Variants in GPR39 observed in about 807,000 individuals in gnomAD.
GPR39 encodes the protein G protein-coupled receptor 39.
Under a neutral mutation model 18.4 loss-of-function variants are expected in GPR39, and 23 were observed. The observed-to-expected ratio is 1.25, with a 90% CI of 0.90 to 1.77. The LOEUF (loss-of-function observed/expected upper bound fraction) is 1.77. Ranked by LOEUF, GPR39 falls within the 40% of genes most tolerant of loss-of-function variation. The pLI is 0.00. For synonymous variants in GPR39, 280 were observed against 257.9 expected (o/e 1.09, Z -0.82); for missense variants, 647 against 602.4 (o/e 1.07, Z -0.78).
At chr2:132,455,014 T>A (rs138998525) in intron 1 of GPR39, among the ~76,000 whole-genome samples, 1,971 of 152,266 alleles carry the variant, frequency 0.013, 43 homozygotes, top group African/African-American at 0.045. Context: ...TTAGGGAGGA[T>A]TCTCTCTTTT....
At chr2:132,644,857 T>TGTCTA (rs1681966833) in intron 1 of GPR39, 1 of 508,702 alleles carries the variant, frequency 2.0e-6, no homozygotes, top group Non-Finnish European at 3.4e-6. Context: ...ATAAATACAC[T>TGTCTA]GTCTAAAGCA....
intron 1 of GPR39, among the ~76,000 whole-genome samples, chr2:132,484,987 G>A (rs907636963): frequency 6.6e-6 from 1 of 152,128 alleles, no homozygotes; most frequent in African/African-American, 2.4e-5. Context: ...ATATTTTGGG[G>A]GCAAAATTGT....
chr2:132,604,943 A>T (rs143444895), intron 1 of GPR39: 16 of 152,358 alleles, frequency 1.1e-4, no homozygotes, highest in African/African-American at 3.4e-4. Flanking sequence ...ATAACAATGA[A>T]CACTTACTGA....
chr2:132,637,371 G>A (rs1162306673), intron 1 of GPR39, among the ~76,000 whole-genome samples: 1 of 152,200 alleles, frequency 6.6e-6, no homozygotes, highest in Non-Finnish European at 1.5e-5. Flanking sequence ...CATTTCAGAG[G>A]CCTCTGGCCT....
intron 1 of GPR39, among the ~76,000 whole-genome samples, chr2:132,441,982 GT>G (rs924975163): frequency 1.3e-5 from 2 of 152,102 alleles, no homozygotes; most frequent in East Asian, 3.9e-4. Flanking sequence ...TGAAAATGCA[GT>G]TTTTTTTCTT....
In GPR39 at chr2:132,595,531, C is replaced by T. The variant is rs572693041; in HGVS notation, c.857-49570C>T. ...GAAGACCTGGGGGAACAGATCAGCA[C>T]CCCCACATCCCCACCACTGGAGACG... On this transcript the variant is annotated intron_variant, in intron 1 of 1. Coordinates refer to ENST00000329321, the MANE Select transcript of GPR39 (RefSeq NM_001508.3). Among the ~76,000 whole-genome samples the T allele has an allele frequency of 9.2e-5, 14 of 152,184 alleles. No individual in the cohort carries two copies. The South Asian group carries it at 2.9e-3, about 32-fold the overall frequency.
intron 1 of GPR39, among the ~76,000 whole-genome samples, chr2:132,426,358 TAGTC>T (rs1680117686): frequency 2.0e-5 from 3 of 152,376 alleles, no homozygotes; most frequent in Non-Finnish European, 4.4e-5. Context: ...GATGCCTTGA[TAGTC>T]AGAAAGGAAA....
At chr2:132,531,605 C>A (rs1413865150) in intron 1 of GPR39, among the ~76,000 whole-genome samples, 5 of 152,208 alleles carry the variant, frequency 3.3e-5, no homozygotes, top group African/African-American at 7.2e-5. Flanking sequence ...GGAAGTAAAG[C>A]TCTCCTCAGC....
chr2:132,422,753 C>T (rs1680038485), intron 1 of GPR39, among the ~76,000 whole-genome samples: 2 of 151,980 alleles, frequency 1.3e-5, no homozygotes, highest in South Asian at 4.2e-4. Flanking sequence ...CTGTGATCAG[C>T]CTGGCAGACA....
intron 1 of GPR39, among the ~76,000 whole-genome samples, chr2:132,537,382 G>A (rs771413394): frequency 1.1e-4 from 16 of 152,060 alleles, no homozygotes; most frequent in Non-Finnish European, 1.0e-4. Flanking sequence ...CTTTAAGAAC[G>A]TTGAATATTG....
At chr2:132,644,887 C>T in intron 1 of GPR39, 2 of 582,940 alleles carry the variant, frequency 3.4e-6, no homozygotes, top group Non-Finnish European at 6.0e-6. Context: ...CTTTCTTTAA[C>T]ACAGCCAACT....
At chr2:132,507,395 G>A (rs1158656379) in intron 1 of GPR39, among the ~76,000 whole-genome samples, 4 of 152,184 alleles carry the variant, frequency 2.6e-5, no homozygotes, top group African/African-American at 9.7e-5. Flanking sequence ...GGTTTCATTA[G>A]TGATGGGTAA....
rs1681446619 is a variant in GPR39 at position 132,490,956 on chromosome 2, C to A, written c.856+73058C>A. ...CTGTGGAGGGCAAAGGCCACAAATA[C>A]CAGGCCCGCGAGCTGAATTCATAAC... is the stretch of plus-strand genomic sequence containing the variant. On this transcript the variant is annotated intron_variant, in intron 1 of 1. Coordinates refer to ENST00000329321, the MANE Select transcript of GPR39 (RefSeq NM_001508.3). Among the ~76,000 whole-genome samples, 4 of 152,276 alleles carry A rather than the reference C, an allele frequency of 2.6e-5. 1 individual carries two copies. In the South Asian group the frequency reaches 8.3e-4, roughly 32 times the overall value.
chr2:132,483,946 C>T (rs1681283163), intron 1 of GPR39, among the ~76,000 whole-genome samples: 1 of 152,178 alleles, frequency 6.6e-6, no homozygotes, highest in Non-Finnish European at 1.5e-5. Flanking sequence ...AGCTTTTCTT[C>T]TGTTAGTTGG....
At chr2:132,631,984 A>C (rs1461307044) in intron 1 of GPR39, among the ~76,000 whole-genome samples, 1 of 151,956 alleles carries the variant, frequency 6.6e-6, no homozygotes, top group Non-Finnish European at 1.5e-5. Context: ...CACCATGCCC[A>C]GCTAATTTTT....
intron 1 of GPR39, among the ~76,000 whole-genome samples, chr2:132,549,961 G>A (rs1680014135): frequency 6.6e-6 from 1 of 152,168 alleles, no homozygotes; most frequent in Non-Finnish European, 1.5e-5. Flanking sequence ...CCATTTTTAA[G>A]GAGGACTTAG....
chr2:132,436,578 G>T (rs1318560206), intron 1 of GPR39, among the ~76,000 whole-genome samples: 1 of 152,202 alleles, frequency 6.6e-6, no homozygotes, highest in Non-Finnish European at 1.5e-5. Flanking sequence ...ACACTTGTCT[G>T]TGAGGTGCTC....
rs753801511 is a variant in GPR39, at chr2:132,535,695, C to CTTTTTTTTTTTTTTTTTTTTTTTTTTT, written c.857-109395_857-109394insTTTTTTTTTTTTTTTTTTTTTTTTTTT. Among the ~76,000 whole-genome samples, 21 of 96,482 alleles carry CTTTTTTTTTTTTTTTTTTTTTTTTTTT rather than the reference C, an allele frequency of 2.2e-4. 4 individuals carry two copies. Among genetic ancestry groups the CTTTTTTTTTTTTTTTTTTTTTTTTTTT allele is most frequent in the Middle Eastern group, 5.7e-3 (1 of 174 alleles). 63.3% of individuals were successfully genotyped at this position (96,482 alleles called of 152,430 possible). A position where few individuals can be genotyped will look rare whatever the true frequency, so the allele number is the denominator to read the frequency against. ...GGCTGTGAATCCATCTGGTCCTGGG[C>CTTTTTTTTTTTTTTTTTTTTTTTTTTT]TTTTTTTTTTTGGTTGGTAGGCTAT... On this transcript the variant is annotated intron_variant, in intron 1 of 1. Transcript: ENST00000329321.
At chr2:132,615,058 C>A (rs1014531550) in intron 1 of GPR39, among the ~76,000 whole-genome samples, 1 of 152,164 alleles carries the variant, frequency 6.6e-6, no homozygotes, top group African/African-American at 2.4e-5. Context: ...TGCTGCCTCC[C>A]CCATGCCCAC....
Sources: allele counts gnomAD v4.1 joint callset (sites outside exome capture counted in the v4.1 genomes callset), GRCh38; gene constraint gnomAD v4.1.1; transcripts MANE v1.5; gene names NCBI Gene and HGNC (gene_info 2026-07-23, HGNC 2026-07-21).